Variants in ROBO1 observed in about 807,000 individuals in gnomAD.
ROBO1 encodes the protein roundabout homolog 1.
Under a neutral mutation model 195.9 loss-of-function variants are expected in ROBO1, and 149 were observed. The observed-to-expected ratio is 0.76, with a 90% confidence interval of 0.67 to 0.87. The LOEUF (loss-of-function observed/expected upper bound fraction) is 0.87. Among genes scored for constraint, ROBO1 ranks in the 40% least tolerant of loss-of-function variants. ROBO1 has a pLI of 0.00. For missense variants in ROBO1, 1,933 were observed against 2,068.3 expected (o/e 0.93, Z 1.27); for synonymous variants, 816 against 733.2 (o/e 1.11, Z -1.82).
chr3:79,649,836 A>T (rs1945947516), intron 1 of ROBO1, among the ~76,000 whole-genome samples: 1 of 152,050 alleles, frequency 6.6e-6, no homozygotes, highest in East Asian at 1.9e-4. Flanking sequence ...CAATATGTTG[A>T]TATGTCTTCT....
intron 2 of ROBO1, among the ~76,000 whole-genome samples, chr3:79,189,801 T>C (rs890166686): frequency 6.6e-6 from 1 of 151,690 alleles, no homozygotes; most frequent in African/African-American, 2.4e-5. Flanking sequence ...TAGTTTAAGA[T>C]GAAACAGTTT....
chr3:79,477,146 T>C (rs1938585221), intron 2 of ROBO1, among the ~76,000 whole-genome samples: 1 of 152,122 alleles, frequency 6.6e-6, no homozygotes, highest in Non-Finnish European at 1.5e-5. Context: ...AATACTACTG[T>C]GGTTTATTGT....
In ROBO1 at chr3:79,337,778, C is replaced by T. The variant is rs562136905; in HGVS notation, c.89-212239G>A. On this transcript the variant is annotated intron_variant, in intron 2 of 30. Transcript: ENST00000464233. ...GCCTCATGCTATGCTAAAATATGTGCTGCAACTTGTTCAGAAATCATTATA... is the reference window on the plus strand; with the variant it reads ...GCCTCATGCTATGCTAAAATATGTGTTGCAACTTGTTCAGAAATCATTATA... Among the ~76,000 whole-genome samples, 7 of 152,196 alleles carry T rather than the reference C, an allele frequency of 4.6e-5. 1 individual carries two copies. The South Asian group carries it at 1.5e-3, about 32-fold the overall frequency.
chr3:78,666,044 G>C (rs962873381), intron 14 of ROBO1, among the ~76,000 whole-genome samples: 1 of 152,068 alleles, frequency 6.6e-6, no homozygotes, highest in Non-Finnish European at 1.5e-5. Flanking sequence ...CTGTTCTCGT[G>C]ATAGTGAGTG....
At chr3:78,902,091 G>A (rs1428515284) in intron 4 of ROBO1, among the ~76,000 whole-genome samples, 2 of 152,080 alleles carry the variant, frequency 1.3e-5, no homozygotes, top group African/African-American at 4.8e-5. Context: ...ACAAATCCAT[G>A]ACCACTTGAC....
At chr3:79,145,808 A>C (rs1356827024) in intron 2 of ROBO1, among the ~76,000 whole-genome samples, 1 of 152,026 alleles carries the variant, frequency 6.6e-6, no homozygotes, top group Non-Finnish European at 1.5e-5. Context: ...ATAAAGTAAA[A>C]AACAGCACAG....
chr3:78,973,575 C>CTATATATATATATA (rs58598961), intron 3 of ROBO1, among the ~76,000 whole-genome samples: 19 of 129,408 alleles, frequency 1.5e-4, no homozygotes, highest in African/African-American at 4.7e-4. Flanking sequence ...ATATATGAAG[C>CTATATATATATATA]TATATATATA....
chr3:79,536,812 C>A (rs1173392589), intron 2 of ROBO1, among the ~76,000 whole-genome samples: 2 of 152,088 alleles, frequency 1.3e-5, no homozygotes, highest in African/African-American at 4.8e-5. Flanking sequence ...AATACTTGCT[C>A]CAAAATTTGA....
At chr3:79,452,854 TG>T (rs1244493196) in intron 2 of ROBO1, among the ~76,000 whole-genome samples, 1 of 151,948 alleles carries the variant, frequency 6.6e-6, no homozygotes, top group Non-Finnish European at 1.5e-5. Flanking sequence ...ATTTTAGCTG[TG>T]GGGCATAAAG....
rs151108197 is a variant in ROBO1 at position 79,699,083 on chromosome 3, TTA to T, written c.-51+68667_-51+68668del. Among the ~76,000 whole-genome samples, 520 of 147,414 alleles carry T rather than the reference TTA, an allele frequency of 3.5e-3. 2 individuals are homozygous for T. Among genetic ancestry groups the T allele is most frequent in the African/African-American group, 0.012 (480 of 40,760 alleles). On this transcript the variant is annotated intron_variant, in intron 1 of 30. Transcript: ENST00000464233. ...ATAACTAAGATATATATTTATTAAT[TTA>T]TATATATATATATGACATTAACATT...
intron 9 of ROBO1, 72 bp from the exon 10 acceptor site, chr3:78,685,989 A>T: frequency 8.2e-7 from 1 of 1,225,192 alleles, no homozygotes; most frequent in Non-Finnish European, 1.1e-6. Flanking sequence ...TTTGGCACTT[A>T]TGCATTTACA....
At chr3:79,422,800 T>C (rs986716351) in intron 2 of ROBO1, among the ~76,000 whole-genome samples, 4 of 152,104 alleles carry the variant, frequency 2.6e-5, no homozygotes. Flanking sequence ...GGTAGTGCAA[T>C]ATAAAAGTAG....
chr3:79,255,621 T>C (rs946383871), intron 2 of ROBO1, among the ~76,000 whole-genome samples: 1 of 152,212 alleles, frequency 6.6e-6, no homozygotes, highest in Non-Finnish European at 1.5e-5. Context: ...TTTTCTCACT[T>C]GTGTAGTAAA....
At chr3:79,622,640 A>T (rs1198485048) in intron 1 of ROBO1, among the ~76,000 whole-genome samples, 3 of 152,024 alleles carry the variant, frequency 2.0e-5, no homozygotes, top group African/African-American at 7.2e-5. Flanking sequence ...CCCTGCAGGA[A>T]CTCCAATAAC....
At chr3:78,638,428 T>C (rs887630419) in intron 22 of ROBO1, among the ~76,000 whole-genome samples, 7 of 151,892 alleles carry the variant, frequency 4.6e-5, no homozygotes, top group Non-Finnish European at 1.0e-4. Context: ...TTATTTAAAT[T>C]TTTTTGTTAT....
intron 2 of ROBO1, among the ~76,000 whole-genome samples, chr3:79,298,309 C>T (rs2032705114): frequency 6.6e-6 from 1 of 152,064 alleles, no homozygotes; most frequent in South Asian, 2.1e-4. Flanking sequence ...TCCTCCTCCA[C>T]GTAGCTCATT....
intron 3 of ROBO1, among the ~76,000 whole-genome samples, chr3:79,006,986 T>C (rs1249071461): frequency 3.3e-5 from 5 of 152,178 alleles, no homozygotes; most frequent in Non-Finnish European, 7.3e-5. Context: ...AAAAGTTATT[T>C]ACATTTTTAA....
At chr3:79,125,935 T>G (rs1045558605) in intron 2 of ROBO1, among the ~76,000 whole-genome samples, 3 of 152,054 alleles carry the variant, frequency 2.0e-5, no homozygotes, top group Non-Finnish European at 4.4e-5. Flanking sequence ...TCAAAGCTAT[T>G]GACTGTGATC....
intron 4 of ROBO1, among the ~76,000 whole-genome samples, chr3:78,855,927 G>A (rs2034388157): frequency 6.6e-6 from 1 of 151,816 alleles, no homozygotes; most frequent in Non-Finnish European, 1.5e-5. Context: ...ACCAGGAAAC[G>A]TTATCAGGAT....
Sources: allele counts gnomAD v4.1 joint callset (sites outside exome capture counted in the v4.1 genomes callset), GRCh38; gene constraint gnomAD v4.1.1; transcripts MANE v1.5; gene names NCBI Gene and HGNC (gene_info 2026-07-23, HGNC 2026-07-21).